Variants in SERPIND1 observed in about 807,000 individuals in gnomAD.
SERPIND1 encodes serpin family D member 1.
SERPIND1 carries 34 observed loss-of-function variants against 35.0 expected under a neutral mutation model. The observed-to-expected ratio is 0.97, with a 90% confidence interval of 0.74 to 1.29. SERPIND1 has a LOEUF of 1.29. SERPIND1 is among the 50% of genes most tolerant of loss of function. SERPIND1 has a pLI of 0.00. For synonymous variants in SERPIND1, 236 were observed against 241.1 expected, an observed-to-expected ratio of 0.98 and a Z score of 0.19; for missense variants, 633 against 637.7, an observed-to-expected ratio of 0.99 and a Z score of 0.08.
At chr22:20,784,490 T>C (rs1934050782) in intron 3 of SERPIND1, among the ~76,000 whole-genome samples, 1 of 152,158 alleles carries the variant, frequency 6.6e-6, no homozygotes, top group Admixed American at 6.5e-5. Context: ...GCAGATGACT[T>C]AGAGACAGCT....
rs146045726 is a variant in SERPIND1 at position 20,774,883 on chromosome 22, T to TACAC, written c.-17+748_-17+751dup. The stretch of plus-strand genomic sequence containing the variant: ...ATGCCTGTGAGAACACACACGTACG[T>TACAC]ACACACACACACAGATAATGACAGG... On this transcript the variant is annotated intron_variant, in intron 1 of 4. Transcript: ENST00000215727. Among the ~76,000 whole-genome samples the TACAC allele has an allele frequency of 2.6e-5, 4 of 151,680 alleles. No individual in the cohort carries two copies. In the East Asian group the frequency reaches 5.8e-4, roughly 22 times the overall value.
chr22:20,784,273 T>A, intron 3 of SERPIND1, 28 bp downstream of exon 3: 1 of 1,613,994 alleles, frequency 6.2e-7, no homozygotes, highest in Non-Finnish European at 8.5e-7. Flanking sequence ...TTTGTTCTTT[T>A]GAGCTCCCAG....
Position 20,779,911 on chromosome 22 carries a change from A to C in SERPIND1, c.599A>C (p.Asn200Thr). 6.2e-7 allele frequency: 1 copy of C among 1,614,178 alleles called. No homozygotes were observed. The highest frequency in any genetic ancestry group is 1.7e-5 in the Admixed American group (1 of 60,030). ...AAGTATGAAATCACGACCATTCATA[A>C]TCTCTTCCGTAAGCTGACTCATCGC... is the stretch of plus-strand genomic sequence containing the variant. ...SSKYEITTIHNLFRKLTHRLF... is the reference protein window; with the variant it reads ...SSKYEITTIHTLFRKLTHRLF... The change falls in exon 2 of 5, where the codon AAT becomes ACT. Residue 200 changes from asparagine to threonine, a missense_variant. Asn to Thr is a moderately conservative substitution (Grantham distance 65, BLOSUM62 0). Transcript: ENST00000215727.
chr22:20,777,300 T>C (rs1933376316), intron 1 of SERPIND1, among the ~76,000 whole-genome samples: 1 of 151,606 alleles, frequency 6.6e-6, no homozygotes, highest in Non-Finnish European at 1.5e-5. Flanking sequence ...CACCACAACC[T>C]CTGCCTCCTG....
chr22:20,782,999 C>T, intron 2 of SERPIND1, among the ~76,000 whole-genome samples: 1 of 152,092 alleles, frequency 6.6e-6, no homozygotes, highest in East Asian at 1.9e-4. Context: ...CTTCTTTGTG[C>T]CTCTGTTTCC....
At chr22:20,777,410 G>A (rs1350650601) in intron 1 of SERPIND1, among the ~76,000 whole-genome samples, 5 of 152,010 alleles carry the variant, frequency 3.3e-5, no homozygotes, top group African/African-American at 1.2e-4. Context: ...TAGAGACAGG[G>A]TTTCTCCATG....
At chr22:20,784,407 G>C (rs535328225) in intron 3 of SERPIND1, among the ~76,000 whole-genome samples, 162 bp downstream of exon 3, 4 of 152,266 alleles carry the variant, frequency 2.6e-5, no homozygotes, top group African/African-American at 7.2e-5. Flanking sequence ...TTTGTTGCTT[G>C]AGATAAGAGA....
intron 4 of SERPIND1, among the ~76,000 whole-genome samples, chr22:20,786,355 C>A (rs1308908970): frequency 6.6e-6 from 1 of 152,142 alleles, no homozygotes; most frequent in Non-Finnish European, 1.5e-5. Flanking sequence ...ACTTACTGGG[C>A]AGGGGGGATC....
At position 20,774,773 on chromosome 22, in the gene SERPIND1, A is replaced by G. The variant is rs201369583; in HGVS notation, c.-17+628A>G. Among the ~76,000 whole-genome samples, 62 of 151,850 alleles carry G rather than the reference A, an allele frequency of 4.1e-4. No individual in the cohort carries two copies. In the East Asian group the frequency reaches 4.8e-3, roughly 12 times the overall value. ...TAGACTCCGTCAAAAAAAAAAAAAA[A>G]AAGAAGAAAAAAGAAAAAATGTTAG... On this transcript the variant is annotated intron_variant, in intron 1 of 4. Transcript: ENST00000215727.
Position 20,784,120 on chromosome 22 carries a change from G to A in SERPIND1, c.1038G>A (p.Gln346=), listed in dbSNP as rs1934014957. 3 of 1,614,188 alleles carry A rather than the reference G, an allele frequency of 1.9e-6. No homozygotes were observed. Among genetic ancestry groups the A allele is most frequent in the African/African-American group, 2.7e-5 (2 of 75,046 alleles). The change falls in exon 3 of 5, where the codon CAG becomes CAA. Residue 346 remains glutamine (Q), a synonymous_variant. Transcript: ENST00000215727. ...AGGAGCTGGACTGCGACATCCTCCA[G>A]CTGGAATACGTGGGGGGCATCAGCA... is the stretch of plus-strand genomic sequence containing the variant. ...NDQELDCDIL[Q]LEYVGGISML...
chr22:20,775,455 G>C (rs920174809), intron 1 of SERPIND1, among the ~76,000 whole-genome samples: 2 of 152,216 alleles, frequency 1.3e-5, no homozygotes, highest in African/African-American at 4.8e-5. Context: ...ATCAGATAAT[G>C]TGGGAACAGG....
At chr22:20,785,098 C>CT in intron 3 of SERPIND1, among the ~76,000 whole-genome samples, 1 of 135,266 alleles carries the variant, frequency 7.4e-6, no homozygotes, top group East Asian at 2.1e-4. Context: ...GAGACAGGGT[C>CT]TTGTTCTGTC....
chr22:20,782,742 TG>T (rs1464193234), intron 2 of SERPIND1, among the ~76,000 whole-genome samples: 3 of 152,140 alleles, frequency 2.0e-5, no homozygotes, highest in African/African-American at 7.2e-5. Flanking sequence ...AGGGGGAGGC[TG>T]GGGATGTTGC....
rs1439592218 is a variant in SERPIND1, at chr22:20,786,293, C to G, written c.1308+145C>G. Reference sequence around the variant, plus strand: ...TGCTCTTCGGCCTGGGTGGGATACACAGAATGCCTAGTTTCATGGATGCCA... The same window carrying G: ...TGCTCTTCGGCCTGGGTGGGATACAGAGAATGCCTAGTTTCATGGATGCCA... On this transcript the variant is annotated intron_variant, in intron 4 of 4. Coordinates refer to ENST00000215727, the MANE Select transcript of SERPIND1 (RefSeq NM_000185.4). The G allele has an allele frequency of 3.3e-6, 3 of 905,902 alleles. No homozygotes were observed. The East Asian group carries it at 7.6e-5, about 23-fold the overall frequency. 56.1% of individuals were successfully genotyped at this position (905,902 alleles called of 1,614,324 possible). A position where few individuals can be genotyped will look rare whatever the true frequency, so the allele number is the denominator to read the frequency against.
chr22:20,783,904 C>G (rs1335764268), intron 2 of SERPIND1, 68 bp from the exon 3 acceptor site: 1 of 1,606,598 alleles, frequency 6.2e-7, no homozygotes, highest in Non-Finnish European at 8.5e-7. Context: ...ATCAGATTCA[C>G]TCTCAAGGGT....
At chr22:20,785,445 C>T (rs1351684161) in intron 3 of SERPIND1, among the ~76,000 whole-genome samples, 1 of 152,224 alleles carries the variant, frequency 6.6e-6, no homozygotes, top group African/African-American at 2.4e-5. Flanking sequence ...ATCAAGCCTT[C>T]CTGCCCATCC....
chr22:20,783,523 A>C (rs986308859), intron 2 of SERPIND1, among the ~76,000 whole-genome samples: 1 of 151,938 alleles, frequency 6.6e-6, no homozygotes, highest in African/African-American at 2.4e-5. Flanking sequence ...AGGCTGAGGC[A>C]GGAGGATTCC....
chr22:20,786,276 G>A (rs538054308), intron 4 of SERPIND1, 128 bp downstream of exon 4: 23 of 1,033,454 alleles, frequency 2.2e-5, no homozygotes, highest in Admixed American at 5.4e-5. Context: ...TCTGCTCTTC[G>A]GCCTGGGTGG....
At chr22:20,783,449 AAAAGAC>A (rs1453425482) in intron 2 of SERPIND1, among the ~76,000 whole-genome samples, 9 of 151,560 alleles carry the variant, frequency 5.9e-5, no homozygotes, top group African/African-American at 1.9e-4. Flanking sequence ...AAAAAAAAAA[AAAAGAC>A]AGAAAGAAAA....
Sources: gnomAD v4.1 joint callset for allele counts (sites outside exome capture counted in the v4.1 genomes callset) on GRCh38, gnomAD v4.1.1 for gene constraint, MANE v1.5 for transcripts, NCBI Gene and HGNC (gene_info 2026-07-23, HGNC 2026-07-21) for gene names.